NBEA: variants seen among roughly 807,000 people sequenced by gnomAD.
NBEA encodes lysosomal-trafficking regulator 2.
NBEA carries 44 observed loss-of-function variants against 343.4 expected under a neutral mutation model. That is an observed-to-expected ratio of 0.13 (90% CI 0.10 to 0.16). The LOEUF (loss-of-function observed/expected upper bound fraction) is 0.16, where lower values mean the gene tolerates loss of function less well. NBEA is among the 10% of genes least tolerant of loss of function. The probability of loss-of-function intolerance (pLI) is 1.00; values close to 1 mark genes in which losing one functional copy is unlikely to be tolerated. For missense variants in NBEA, 2,555 were observed against 3,631.3 expected (o/e 0.70, Z 7.62); for synonymous variants, 1,175 against 1,238.7 (o/e 0.95, Z 1.08).
chr13:35,611,374 T>G (rs1188849944), intron 48 of NBEA, among the ~76,000 whole-genome samples: 3 of 152,208 alleles, frequency 2.0e-5, no homozygotes, highest in African/African-American at 7.2e-5. Context: ...AACCAAGCAC[T>G]GATACATGTA....
intron 35 of NBEA, among the ~76,000 whole-genome samples, chr13:35,294,751 C>T (rs1242671009): frequency 6.6e-6 from 1 of 152,022 alleles, no homozygotes; most frequent in Non-Finnish European, 1.5e-5. Context: ...TATAAATGAG[C>T]AGTTACCTTT....
intron 38 of NBEA, among the ~76,000 whole-genome samples, chr13:35,369,857 G>T (rs951285799): frequency 5.3e-5 from 8 of 151,980 alleles, no homozygotes; most frequent in Middle Eastern, 6.8e-3. Context: ...TTGCCTGATT[G>T]CTCTGTTCAG....
At chr13:35,250,496 A>G (rs2031828110) in intron 34 of NBEA, among the ~76,000 whole-genome samples, 1 of 152,230 alleles carries the variant, frequency 6.6e-6, no homozygotes, top group African/African-American at 2.4e-5. Flanking sequence ...TTTCACTCCC[A>G]TCCAATAAGT....
chr13:35,236,985 G>A (rs77702223), intron 34 of NBEA, among the ~76,000 whole-genome samples: 2,031 of 152,022 alleles, frequency 0.013, 38 homozygotes, highest in African/African-American at 0.047. Flanking sequence ...TTTTTCCCTT[G>A]TGTTTGCATA....
At chr13:35,544,681 C>A (rs961140151) in intron 41 of NBEA, among the ~76,000 whole-genome samples, 4 of 152,164 alleles carry the variant, frequency 2.6e-5, no homozygotes, top group African/African-American at 9.7e-5. Context: ...GTGAATGGGG[C>A]AGACTTCAGG....
intron 34 of NBEA, among the ~76,000 whole-genome samples, chr13:35,249,858 A>T (rs1318850939): frequency 6.6e-6 from 1 of 152,200 alleles, no homozygotes; most frequent in African/African-American, 2.4e-5. Flanking sequence ...TGCATTTCAA[A>T]AAATGTAGTA....
rs75162033 is a variant in NBEA, at chr13:35,532,238, G to A, written c.6586-18239G>A. 7.3e-3 allele frequency among the ~76,000 whole-genome samples: 1,117 copies of A among 152,132 alleles called. 20 individuals are homozygous for A. Among genetic ancestry groups the A allele is most frequent in the East Asian group, 0.064 (332 of 5,158 alleles). ...TTCATGGTCATTTATTAGTGGCTAC[G>A]ATTTTTATTTCAAAATGCATTAAAA... is the stretch of plus-strand genomic sequence containing the variant. On this transcript the variant is annotated intron_variant, in intron 41 of 58. Transcript: ENST00000379939.
chr13:35,533,057 G>A (rs2078343269), intron 41 of NBEA, among the ~76,000 whole-genome samples: 1 of 152,104 alleles, frequency 6.6e-6, no homozygotes, highest in South Asian at 2.1e-4. Flanking sequence ...ATACAATTTT[G>A]ATAGATGCTG....
chr13:35,597,839 G>A (rs1055603900), intron 47 of NBEA, among the ~76,000 whole-genome samples: 22 of 152,112 alleles, frequency 1.4e-4, no homozygotes, highest in Admixed American at 1.4e-3. Context: ...AAGTCATGGG[G>A]CCCTCCCAGA....
intron 38 of NBEA, among the ~76,000 whole-genome samples, chr13:35,358,957 CAG>C (rs920493236): frequency 7.2e-5 from 11 of 152,058 alleles, no homozygotes; most frequent in African/African-American, 2.7e-4. Context: ...GCTTGAAAAA[CAG>C]AATGAACAAA....
intron 56 of NBEA, 104 bp from the exon 57 acceptor site, chr13:35,667,270 C>T (rs2085403720): frequency 1.2e-5 from 11 of 907,622 alleles, no homozygotes; most frequent in Non-Finnish European, 1.7e-5. Context: ...TGTCCTCTTC[C>T]GTCACATCTG....
chr13:35,394,459 A>AT (rs2042647139), intron 38 of NBEA, among the ~76,000 whole-genome samples: 1 of 152,096 alleles, frequency 6.6e-6, no homozygotes, highest in South Asian at 2.1e-4. Context: ...GTTTAGAAAC[A>AT]TTTTTAAGTA....
At chr13:35,283,793 G>A (rs2035223240) in intron 34 of NBEA, among the ~76,000 whole-genome samples, 1 of 152,076 alleles carries the variant, frequency 6.6e-6, no homozygotes, top group Admixed American at 6.6e-5. Context: ...TTGAATTTGT[G>A]ATAATCTTAC....
At chr13:35,365,942 T>C (rs1416042531) in intron 38 of NBEA, among the ~76,000 whole-genome samples, 1 of 151,626 alleles carries the variant, frequency 6.6e-6, no homozygotes, top group Non-Finnish European at 1.5e-5. Flanking sequence ...TGCTCACAAG[T>C]AGGTTAGTGT....
chr13:35,087,936 A>G (rs902093388), intron 10 of NBEA, among the ~76,000 whole-genome samples: 3 of 151,900 alleles, frequency 2.0e-5, no homozygotes, highest in East Asian at 1.9e-4. Context: ...CAAGTTTTCT[A>G]TAGCTGGAGT....
intron 39 of NBEA, among the ~76,000 whole-genome samples, chr13:35,437,267 T>G (rs1228997033): frequency 6.6e-6 from 1 of 152,186 alleles, no homozygotes; most frequent in Non-Finnish European, 1.5e-5. Flanking sequence ...CTCAAATATA[T>G]TAATAATATA....
At chr13:35,223,465 C>T (rs1387349899) in intron 33 of NBEA, among the ~76,000 whole-genome samples, 1 of 152,144 alleles carries the variant, frequency 6.6e-6, no homozygotes, top group Non-Finnish European at 1.5e-5. Context: ...CATCTCATTT[C>T]TTCTGGCTTG....
intron 1 of NBEA, among the ~76,000 whole-genome samples, chr13:34,965,382 A>G (rs953408768): frequency 1.3e-5 from 2 of 152,050 alleles, no homozygotes; most frequent in African/African-American, 4.8e-5. Context: ...GAAAGTGTGT[A>G]TTAGATACCA....
At chr13:35,610,528 C>T (rs2082465450) in intron 48 of NBEA, among the ~76,000 whole-genome samples, 1 of 152,032 alleles carries the variant, frequency 6.6e-6, no homozygotes. Context: ...TCAGTCCTTA[C>T]ATCACACCAT....
Sources: gnomAD v4.1 joint callset for allele counts (sites outside exome capture counted in the v4.1 genomes callset) on GRCh38, gnomAD v4.1.1 for gene constraint, MANE v1.5 for transcripts, NCBI Gene and HGNC (gene_info 2026-07-23, HGNC 2026-07-21) for gene names.